SCUBE1: variants seen among roughly 807,000 people sequenced by gnomAD.
SCUBE1 encodes the protein signal peptide, CUB domain and EGF like domain containing 1.
SCUBE1 carries 59 observed loss-of-function variants against 124.4 expected under a neutral mutation model. The ratio of observed to expected loss-of-function variants is 0.47; its 90% CI spans 0.38 to 0.59. The LOEUF is 0.59. Ranked by LOEUF, SCUBE1 falls within the 20% of genes least tolerant of loss-of-function variation. SCUBE1 has a pLI of 0.00. For missense variants in SCUBE1, 1,150 were observed against 1,371.2 expected (o/e 0.84, Z 2.55); for synonymous variants, 545 against 550.9 (o/e 0.99, Z 0.15).
intron 6 of SCUBE1, among the ~76,000 whole-genome samples, chr22:43,244,632 TG>T (rs1923134659): frequency 6.6e-6 from 1 of 152,090 alleles, no homozygotes; most frequent in Non-Finnish European, 1.5e-5. Context: ...TGGTGCACAA[TG>T]GGAAGTGGGT....
intron 6 of SCUBE1, among the ~76,000 whole-genome samples, chr22:43,251,777 C>T (rs867664034): frequency 2.6e-5 from 4 of 152,192 alleles, no homozygotes; most frequent in African/African-American, 9.7e-5. Context: ...AAACGTGCGT[C>T]GTCTTAAGCA....
chr22:43,276,762 C>A (rs1459640822), intron 4 of SCUBE1, among the ~76,000 whole-genome samples: 2 of 152,204 alleles, frequency 1.3e-5, no homozygotes, highest in Non-Finnish European at 2.9e-5. Flanking sequence ...GGGCCTGGGA[C>A]AAGTTCCAGC....
chr22:43,321,843 G>C (rs1926566301), intron 2 of SCUBE1, among the ~76,000 whole-genome samples: 1 of 152,172 alleles, frequency 6.6e-6, no homozygotes. Flanking sequence ...CTCCCTAGTA[G>C]CTGGAATTAT....
At chr22:43,206,591 C>A (rs1011841900) in intron 21 of SCUBE1, among the ~76,000 whole-genome samples, 1 of 151,968 alleles carries the variant, frequency 6.6e-6, no homozygotes. Flanking sequence ...GGGCAGGCCG[C>A]CCAGAGTACG....
At chr22:43,249,959 C>T (rs780475875) in intron 6 of SCUBE1, among the ~76,000 whole-genome samples, 3 of 152,264 alleles carry the variant, frequency 2.0e-5, no homozygotes, top group Non-Finnish European at 2.9e-5. Flanking sequence ...GTGCTTTGCA[C>T]CTCAGTGCCC....
intron 5 of SCUBE1, among the ~76,000 whole-genome samples, chr22:43,260,814 G>C (rs970677013): frequency 6.6e-6 from 1 of 152,190 alleles, no homozygotes; most frequent in African/African-American, 2.4e-5. Flanking sequence ...GGGGCAGCTG[G>C]GGTGAGGGTT....
At chr22:43,307,356 C>G (rs942719229) in intron 3 of SCUBE1, among the ~76,000 whole-genome samples, 2 of 152,230 alleles carry the variant, frequency 1.3e-5, no homozygotes, top group Admixed American at 6.5e-5. Flanking sequence ...CAGTGCAGAA[C>G]AGCAGGTGTA....
At chr22:43,290,679 C>T (rs1249920266) in intron 4 of SCUBE1, among the ~76,000 whole-genome samples, 1 of 152,244 alleles carries the variant, frequency 6.6e-6, no homozygotes, top group Non-Finnish European at 1.5e-5. Context: ...GAGAAGTTGG[C>T]ACACAGCCTG....
chr22:43,216,910 A>C (rs1013853558), intron 15 of SCUBE1, among the ~76,000 whole-genome samples: 195 of 29,926 alleles, frequency 6.5e-3, no homozygotes, highest in Middle Eastern at 0.023. Flanking sequence ...CTTCCCTCCC[A>C]CCCCCACTGC....
intron 6 of SCUBE1, among the ~76,000 whole-genome samples, chr22:43,253,179 C>T (rs558656364): frequency 1.1e-3 from 168 of 152,296 alleles, no homozygotes; most frequent in Non-Finnish European, 2.1e-3. Context: ...ATTAATACAA[C>T]GTGGGGGGCA....
intron 3 of SCUBE1, among the ~76,000 whole-genome samples, chr22:43,302,939 G>A (rs1925828775): frequency 6.6e-6 from 1 of 152,210 alleles, no homozygotes; most frequent in Non-Finnish European, 1.5e-5. Flanking sequence ...GGATGGGGCG[G>A]CAGGGCAAGT....
In SCUBE1 at chr22:43,281,502, C is replaced by T. The variant is rs76512538; in HGVS notation, c.484+9544G>A. On this transcript the variant is annotated intron_variant, in intron 4 of 21. Transcript: ENST00000360835. ...CCTCCCTCTTTGGCCACCCTCCTGT[C>T]ACCTCCTCCTCAGCCACCCTCCTGT... is the stretch of plus-strand genomic sequence containing the variant. Among the ~76,000 whole-genome samples, 36 of 74,456 alleles carry T rather than the reference C, an allele frequency of 4.8e-4. 1 individual carries two copies. Among genetic ancestry groups the T allele is most frequent in the African/African-American group, 2.1e-3 (32 of 15,112 alleles). 48.8% of individuals were successfully genotyped at this position (74,456 alleles called of 152,430 possible).
chr22:43,246,597 C>T (rs1923221651), intron 6 of SCUBE1, among the ~76,000 whole-genome samples: 1 of 152,238 alleles, frequency 6.6e-6, no homozygotes, highest in South Asian at 2.1e-4. Flanking sequence ...CTGCTCTCAC[C>T]TCTCTGAGCT....
intron 3 of SCUBE1, among the ~76,000 whole-genome samples, chr22:43,291,982 G>T (rs73424020): frequency 1.3e-5 from 2 of 152,036 alleles, no homozygotes; most frequent in African/African-American, 2.4e-5. Flanking sequence ...TCTCAGTGAC[G>T]TCGCCAGACC....
At chr22:43,341,014 C>T (rs1927294921) in intron 1 of SCUBE1, among the ~76,000 whole-genome samples, 1 of 150,222 alleles carries the variant, frequency 6.7e-6, no homozygotes, top group African/African-American at 2.5e-5. Context: ...GCCCTAGCCC[C>T]TAAGTCTCCT....
At position 43,234,673 on chromosome 22, in the gene SCUBE1, C is replaced by T. The variant is rs549803428; in HGVS notation, c.845-2798G>A. 7.2e-5 allele frequency among the ~76,000 whole-genome samples: 11 copies of T among 152,284 alleles called. No individual in the cohort carries two copies. Among genetic ancestry groups the T allele is most frequent in the African/African-American group, 2.6e-4 (11 of 41,570 alleles). ...GGTGCAGCTTTTGCACCTCTCTGCC[C>T]TTCCGCTCCTTCCTGGGTTCCCACC... On this transcript the variant is annotated intron_variant, in intron 7 of 21. Transcript: ENST00000360835. This position sits in a 1 kb window ranked among gnomAD's most constrained non-coding sequence, Gnocchi z 4.4.
In SCUBE1 at chr22:43,267,841, A is replaced by G. The variant is rs567700457; in HGVS notation, c.485-4996T>C. Among the ~76,000 whole-genome samples, 3 of 152,296 alleles carry G rather than the reference A, an allele frequency of 2.0e-5. No homozygotes were observed. The South Asian group carries it at 6.2e-4, about 32-fold the overall frequency. ...AGCTAACGGGAAGGAATGCCAACTC[A>G]TCCCCTCCTGCAGGTGGTATCTCTG... On this transcript the variant is annotated intron_variant, in intron 4 of 21. Transcript: ENST00000360835.
Position 43,214,125 on chromosome 22 carries a change from C to T in SCUBE1, c.2018G>A (p.Gly673Asp), listed in dbSNP as rs140754107. The change falls in exon 16 of 22, where the codon GGT (glycine) becomes GAT (aspartate). Residue 673 changes from glycine (G) to aspartate (D), a missense_variant. By Grantham distance (94) the Gly-to-Asp change is moderately conservative. Around this residue, in one of 3 missense-constraint regions of SCUBE1, gnomAD observed 757 missense variants for 840.9 expected, o/e 0.90. Transcript: ENST00000360835. ...CTPCPSSDGL[G>D]LPGARNVSEC... ...CGACACGTTGCGGGCACCAGGCAGA[C>T]CAAGCCCGTCGCTGCTGGGGCACGG... The T allele has an allele frequency of 2.9e-4, 465 of 1,589,148 alleles. 1 individual carries two copies. The African/African-American group carries it at 5.4e-3, about 18-fold the overall frequency.
chr22:43,271,787 G>A (rs118120220), intron 4 of SCUBE1, among the ~76,000 whole-genome samples: 3 of 152,286 alleles, frequency 2.0e-5, no homozygotes, highest in East Asian at 3.9e-4. Context: ...GGAAATGCAA[G>A]TGACCAAAGA....
Sources: gnomAD v4.1 joint callset for allele counts (sites outside exome capture counted in the v4.1 genomes callset) on GRCh38, gnomAD v4.1.1 for gene constraint, gnomAD v4.1.1 regional missense constraint, Gnocchi (gnomAD v3.1) non-coding constraint, MANE v1.5 for transcripts, NCBI Gene and HGNC (gene_info 2026-07-23, HGNC 2026-07-21) for gene names.